Variants in CELF1 observed in about 807,000 individuals in gnomAD.
The protein encoded by CELF1 is CUGBP Elav-like family member 1.
Under a neutral mutation model 61.8 loss-of-function variants are expected in CELF1, and 10 were observed. The observed-to-expected ratio is 0.16, with a 90% CI of 0.10 to 0.27. The LOEUF (loss-of-function observed/expected upper bound fraction) is 0.27. CELF1 is among the 10% of genes least tolerant of loss of function. CELF1 has a pLI of 1.00. For synonymous variants in CELF1, 236 were observed against 225.1 expected, an observed-to-expected ratio of 1.05 and a Z score of -0.43; for missense variants, 380 against 639.1, an observed-to-expected ratio of 0.59 and a Z score of 4.37.
At chr11:47,558,573 AAAT>A (rs2097213867) in intron 2 of CELF1, among the ~76,000 whole-genome samples, 1 of 113,338 alleles carries the variant, frequency 8.8e-6, no homozygotes, top group African/African-American at 3.7e-5. Flanking sequence ...TATAATATAT[AAAT>A]ATATATATAT....
chr11:47,520,022 C>G (rs1597776339), intron 1 of CELF1, among the ~76,000 whole-genome samples: 2 of 139,360 alleles, frequency 1.4e-5, no homozygotes, highest in Admixed American at 1.4e-4. Context: ...AAAAAAAAAG[C>G]CAGGAGATCT....
intron 9 of CELF1, 47 bp downstream of exon 9, chr11:47,482,648 A>G: frequency 6.4e-7 from 1 of 1,564,182 alleles, no homozygotes; most frequent in South Asian, 1.2e-5. Context: ...AAGAAGGAAC[A>G]GCTGGGAGCT....
At position 47,494,494 on chromosome 11, in the gene CELF1, C is replaced by T. The variant is rs1022624841; in HGVS notation, c.71+4959G>A. Reference sequence around the variant, plus strand: ...AATTGGGAAGAGACACACGAGGGAACAAAAAAGAGCTGTTATTTTCAAAGT... The same window carrying T: ...AATTGGGAAGAGACACACGAGGGAATAAAAAAGAGCTGTTATTTTCAAAGT... On this transcript the variant is annotated intron_variant, in intron 3 of 14. Transcript: ENST00000687097. 8.1e-6 allele frequency: 8 copies of T among 982,442 alleles called. No homozygotes were observed. In the Admixed American group the frequency reaches 4.9e-4, roughly 60 times the overall value. 60.9% of individuals were successfully genotyped at this position (982,442 alleles called of 1,614,324 possible).
chr11:47,562,519 A>G (rs2153791732), intron 2 of CELF1, among the ~76,000 whole-genome samples: 1 of 119,978 alleles, frequency 8.3e-6, no homozygotes, highest in South Asian at 3.1e-4. Flanking sequence ...ACAGGAGTGA[A>G]ACTCTATCTC....
In CELF1 at chr11:47,516,385, G is replaced by A. The variant is rs2095553297; in HGVS notation, c.-153-15453C>T. Among the ~76,000 whole-genome samples, 3 of 152,056 alleles carry A rather than the reference G, an allele frequency of 2.0e-5. No homozygotes were observed. In the South Asian group the frequency reaches 6.2e-4, roughly 31 times the overall value. On this transcript the variant is annotated intron_variant, in intron 1 of 14. Coordinates refer to ENST00000687097, the MANE Select transcript of CELF1 (RefSeq NM_001376376.1). Reference sequence around the variant, plus strand: ...CCCCCGAATTTAGTTTAAAAGGAAGGCGAGCAGCTGCTTCCACCTCCTCTA... The same window carrying A: ...CCCCCGAATTTAGTTTAAAAGGAAGACGAGCAGCTGCTTCCACCTCCTCTA...
At chr11:47,548,295 TC>T (rs2097033553) in intron 1 of CELF1, among the ~76,000 whole-genome samples, 1 of 151,220 alleles carries the variant, frequency 6.6e-6, no homozygotes, top group East Asian at 1.9e-4. Context: ...TGAGACTCCG[TC>T]TCAAAAAAAA....
At chr11:47,514,500 G>A (rs961611083) in intron 1 of CELF1, among the ~76,000 whole-genome samples, 5 of 151,988 alleles carry the variant, frequency 3.3e-5, no homozygotes, top group Non-Finnish European at 5.9e-5. Flanking sequence ...TCTCACCTGA[G>A]AGACACCCTA....
intron 2 of CELF1, among the ~76,000 whole-genome samples, chr11:47,558,578 T>TATATATTTATATATAAATATATAA (rs1565921580): frequency 9.9e-5 from 11 of 110,726 alleles, no homozygotes; most frequent in Admixed American, 3.9e-4. Flanking sequence ...TATATAAATA[T>TATATATTTATATATAAATATATAA]ATATATATAT....
chr11:47,506,376 C>G (rs966101230), intron 1 of CELF1, among the ~76,000 whole-genome samples: 5 of 142,146 alleles, frequency 3.5e-5, no homozygotes, highest in African/African-American at 9.9e-5. Flanking sequence ...TTGCAGTGAG[C>G]CAAGATCGCG....
At chr11:47,480,924 T>C (rs1020499130) in intron 9 of CELF1, among the ~76,000 whole-genome samples, 1 of 152,026 alleles carries the variant, frequency 6.6e-6, no homozygotes, top group African/African-American at 2.4e-5. Flanking sequence ...TAATCCCAGC[T>C]GCTTGCAGTT....
At chr11:47,548,361 T>C (rs1174298822) in intron 1 of CELF1, among the ~76,000 whole-genome samples, 1 of 151,410 alleles carries the variant, frequency 6.6e-6, no homozygotes, top group African/African-American at 2.4e-5. Flanking sequence ...TAGAAGAAAA[T>C]ATAGAGGAAA....
intron 1 of CELF1, among the ~76,000 whole-genome samples, chr11:47,537,913 CTTT>C (rs2096670383): frequency 6.6e-6 from 1 of 150,818 alleles, no homozygotes; most frequent in South Asian, 2.1e-4. Flanking sequence ...TCTTTTTTTT[CTTT>C]TCTTTTTTTT....
At chr11:47,493,226 T>C (rs1397625541) in intron 3 of CELF1, among the ~76,000 whole-genome samples, 2 of 150,658 alleles carry the variant, frequency 1.3e-5, no homozygotes, top group Non-Finnish European at 2.9e-5. Context: ...GCCAGAAGAC[T>C]CCCATAGAGT....
intron 7 of CELF1, 77 bp downstream of exon 7, chr11:47,484,312 G>T: frequency 6.8e-7 from 1 of 1,467,886 alleles, no homozygotes; most frequent in Non-Finnish European, 9.3e-7. Context: ...GCAAGACCTT[G>T]TCTCCAAAAA....
intron 1 of CELF1, among the ~76,000 whole-genome samples, chr11:47,528,092 G>C (rs1389946304): frequency 6.6e-6 from 1 of 151,648 alleles, no homozygotes; most frequent in East Asian, 1.9e-4. Context: ...GTGAAAATCT[G>C]TCCCCCATCC....
rs762837664 is a variant in CELF1 at position 47,486,812 on chromosome 11, A to G, written c.343-14T>C. On this transcript the variant is annotated splice_polypyrimidine_tract_variant and intron_variant, in intron 5 of 14. Transcript: ENST00000687097. Reference sequence around the variant, plus strand: ...AGGGTGATGCATCTGAAAAGGAAAAATATGATTATTATCACTGTATATATT... The same window carrying G: ...AGGGTGATGCATCTGAAAAGGAAAAGTATGATTATTATCACTGTATATATT... 3.1e-6 allele frequency: 5 copies of G among 1,589,008 alleles called. No homozygotes were observed. In the South Asian group the frequency reaches 4.4e-5, roughly 14 times the overall value.
chr11:47,551,301 A>G (rs532574755), intron 1 of CELF1, among the ~76,000 whole-genome samples: 1 of 152,298 alleles, frequency 6.6e-6, no homozygotes, highest in South Asian at 2.1e-4. Flanking sequence ...CAGGTGGTGG[A>G]CTGTCATGAG....
At chr11:47,523,528 CAGA>C (rs2096064347) in intron 1 of CELF1, 1 of 152,232 alleles carries the variant, frequency 6.6e-6, no homozygotes, top group Non-Finnish European at 1.5e-5. Context: ...GCACAAGGTG[CAGA>C]AGAGATCCCT....
upstream of CELF1, among the ~76,000 whole-genome samples, chr11:47,553,284 G>A (rs1376287998): frequency 2.6e-5 from 4 of 152,204 alleles, no homozygotes; most frequent in Middle Eastern, 3.4e-3. Context: ...GCCGGGCGCT[G>A]CAGCGCCCCC....
Sources: gnomAD v4.1 joint callset for allele counts (sites outside exome capture counted in the v4.1 genomes callset) on GRCh38, gnomAD v4.1.1 for gene constraint, MANE v1.5 for transcripts, NCBI Gene and HGNC (gene_info 2026-07-23, HGNC 2026-07-21) for gene names.